DLGAP2: variants seen among roughly 807,000 people sequenced by gnomAD.
The protein encoded by DLGAP2 is disks large-associated protein 2.
In DLGAP2, 26 loss-of-function variants were observed where a neutral mutation model predicts 100.3. The observed-to-expected ratio is 0.26, with a 90% CI of 0.19 to 0.36. DLGAP2 has a LOEUF of 0.36. Ranked by LOEUF, DLGAP2 falls within the 10% of genes least tolerant of loss-of-function variation. The pLI, the probability that DLGAP2 is intolerant of heterozygous loss-of-function variation, is 1.00. For synonymous variants in DLGAP2, 886 were observed against 630.1 expected (o/e 1.41, Z -6.08); for missense variants, 1,858 against 1,453.2 (o/e 1.28, Z -4.53).
chr8:1,046,433 G>GTGTA (rs1481429497), intron 2 of DLGAP2, among the ~76,000 whole-genome samples: 4 of 152,230 alleles, frequency 2.6e-5, no homozygotes, highest in South Asian at 4.1e-4. Context: ...ATATGACTTT[G>GTGTA]CAGGGGTGGA....
chr8:1,323,290 A>G (rs1387684351), intron 3 of DLGAP2, among the ~76,000 whole-genome samples: 1 of 152,140 alleles, frequency 6.6e-6, no homozygotes, highest in Non-Finnish European at 1.5e-5. Context: ...TCAGCCTCCC[A>G]AAGTGCTAGG....
chr8:754,348 A>G (rs983389506), intron 1 of DLGAP2: 2 of 152,024 alleles, frequency 1.3e-5, no homozygotes, highest in African/African-American at 4.8e-5. Flanking sequence ...CAATGGGACA[A>G]CTCTCTTCCT....
intron 1 of DLGAP2, among the ~76,000 whole-genome samples, chr8:775,191 A>C (rs1821481498): frequency 6.6e-6 from 1 of 151,044 alleles, no homozygotes; most frequent in Non-Finnish European, 1.5e-5. Flanking sequence ...ATTTTTGTAC[A>C]TTGATTTTGT....
At position 1,117,870 on chromosome 8, in the gene DLGAP2, G is replaced by GT. The variant is rs555038955; in HGVS notation, c.74-140970dup. ...CTGGTTCACAGTTAGGCTTTTGAAA[G>GT]TTTTTTTTTTTCCTTTAAGAAAATC... On this transcript the variant is annotated intron_variant, in intron 2 of 14. Transcript: ENST00000637795. Among the ~76,000 whole-genome samples the GT allele has an allele frequency of 5.2e-3, 777 of 148,188 alleles. 2 individuals carry two copies. The highest frequency in any genetic ancestry group is 0.011 in the Middle Eastern group (3 of 284).
intron 6 of DLGAP2, among the ~76,000 whole-genome samples, chr8:1,593,262 G>C (rs1254707511): frequency 1.3e-5 from 2 of 152,042 alleles, no homozygotes; most frequent in Admixed American, 6.6e-5. Flanking sequence ...AGACCATCCT[G>C]GGTAACACGG....
At chr8:1,558,737 C>T (rs886923890) in intron 5 of DLGAP2, among the ~76,000 whole-genome samples, 3 of 152,116 alleles carry the variant, frequency 2.0e-5, no homozygotes, top group Admixed American at 6.6e-5. Context: ...CACACATACA[C>T]ACATAGGCAT....
At chr8:977,155 T>TCTTGCCTCCC (rs1436134074) in intron 2 of DLGAP2, among the ~76,000 whole-genome samples, 4 of 152,228 alleles carry the variant, frequency 2.6e-5, no homozygotes, top group Non-Finnish European at 4.4e-5. Flanking sequence ...ACTTTCCTCC[T>TCTTGCCTCCC]CTTGCCTCCC....
intron 3 of DLGAP2, among the ~76,000 whole-genome samples, chr8:1,349,766 C>T (rs1801664372): frequency 6.6e-6 from 1 of 152,240 alleles, no homozygotes. Flanking sequence ...GTGTCTTTCC[C>T]CATTAGACCA....
chr8:1,257,908 C>G (rs1799263010), intron 2 of DLGAP2, among the ~76,000 whole-genome samples: 1 of 152,228 alleles, frequency 6.6e-6, no homozygotes, highest in Admixed American at 6.5e-5. Context: ...CTCATGTTCT[C>G]AGGAAAGTGG....
At position 1,495,895 on chromosome 8, in the gene DLGAP2, T is replaced by G. The variant is rs533429722; in HGVS notation, c.107-5471T>G. Among the ~76,000 whole-genome samples, 31 of 152,286 alleles carry G rather than the reference T, an allele frequency of 2.0e-4. 1 individual carries two copies. The highest frequency in any genetic ancestry group is 7.0e-4 in the African/African-American group (29 of 41,564). On this transcript the variant is annotated intron_variant, in intron 3 of 14. Coordinates refer to ENST00000637795, the MANE Select transcript of DLGAP2 (RefSeq NM_001346810.2). ...AGCACACGACAGCCCCTGCGGCCAC[T>G]GGGTGCCGGCGCCCAGCCTGTCCCG... is the stretch of plus-strand genomic sequence containing the variant.
intron 8 of DLGAP2, among the ~76,000 whole-genome samples, chr8:1,641,209 G>T (rs1327471073): frequency 1.3e-5 from 2 of 152,152 alleles, no homozygotes; most frequent in African/African-American, 2.4e-5. Flanking sequence ...CGTGCCTCCC[G>T]GTTTGCAGAA....
intron 2 of DLGAP2, among the ~76,000 whole-genome samples, chr8:1,009,436 T>C (rs905104949): frequency 1.3e-5 from 2 of 152,250 alleles, no homozygotes; most frequent in African/African-American, 2.4e-5. Flanking sequence ...TAGATTGTTA[T>C]TCAGAGTTAA....
chr8:988,451 T>G (rs1800550433), intron 2 of DLGAP2, among the ~76,000 whole-genome samples: 1 of 152,200 alleles, frequency 6.6e-6, no homozygotes, highest in African/African-American at 2.4e-5. Context: ...TGGTATTCAT[T>G]TCACATGAAG....
At chr8:1,432,063 C>G (rs1021460711) in intron 3 of DLGAP2, among the ~76,000 whole-genome samples, 1 of 152,036 alleles carries the variant, frequency 6.6e-6, no homozygotes, top group South Asian at 2.1e-4. Flanking sequence ...CTGCCGGCAC[C>G]CAGCACCCCA....
chr8:1,080,594 A>G (rs1382666577), intron 2 of DLGAP2, among the ~76,000 whole-genome samples: 1 of 152,134 alleles, frequency 6.6e-6, no homozygotes, highest in Admixed American at 6.5e-5. Flanking sequence ...CAGAGCTCCT[A>G]GTTTTGAGTA....
At chr8:919,450 C>G (rs913741075) in intron 2 of DLGAP2, among the ~76,000 whole-genome samples, 2 of 152,132 alleles carry the variant, frequency 1.3e-5, no homozygotes, top group Non-Finnish European at 2.9e-5. Context: ...GTGAGTCCCC[C>G]CTGCTGATGA....
intron 2 of DLGAP2, among the ~76,000 whole-genome samples, chr8:1,011,779 G>T (rs1801297140): frequency 6.6e-6 from 1 of 152,150 alleles, no homozygotes; most frequent in Non-Finnish European, 1.5e-5. Flanking sequence ...AGGGGTCTCA[G>T]TCTACACAGT....
At chr8:1,438,074 C>A (rs559887265) in intron 3 of DLGAP2, among the ~76,000 whole-genome samples, 1 of 152,110 alleles carries the variant, frequency 6.6e-6, no homozygotes, top group Non-Finnish European at 1.5e-5. Context: ...GAGTTGTGGG[C>A]TGTTTTCACT....
intron 6 of DLGAP2, among the ~76,000 whole-genome samples, chr8:1,586,387 C>T (rs991734837): frequency 3.9e-5 from 6 of 152,246 alleles, no homozygotes; most frequent in Non-Finnish European, 8.8e-5. Context: ...TCAGAGCCAG[C>T]TGGACGGGGT....
Sources: gnomAD v4.1 joint callset for allele counts (sites outside exome capture counted in the v4.1 genomes callset) on GRCh38, gnomAD v4.1.1 for gene constraint, MANE v1.5 for transcripts, NCBI Gene and HGNC (gene_info 2026-07-23, HGNC 2026-07-21) for gene names.